Variants in GYPE observed in about 807,000 individuals in gnomAD.
GYPE encodes the protein glycophorin E (MNS blood group), also known as glycophorin-E.
A neutral mutation model predicts 11.6 loss-of-function variants in GYPE; 8 were observed. The ratio of observed to expected loss-of-function variants is 0.69; its 90% confidence interval spans 0.41 to 1.25. GYPE has a LOEUF of 1.25. GYPE is among the 50% of genes most tolerant of loss of function. GYPE has a pLI of 0.01. For missense variants in GYPE, 90 were observed against 92.8 expected (o/e 0.97, Z 0.12); for synonymous variants, 28 against 29.6 (o/e 0.94, Z 0.18).
chr4:143,894,391 T>C (rs1744544346), intron 1 of GYPE, among the ~76,000 whole-genome samples: 1 of 152,000 alleles, frequency 6.6e-6, no homozygotes, highest in Non-Finnish European at 1.5e-5. Flanking sequence ...GTGCTCTGCT[T>C]TTTAGAGTTT....
intron 1 of GYPE, 118 bp downstream of exon 1, chr4:143,905,353 A>G: frequency 6.7e-7 from 1 of 1,500,496 alleles, no homozygotes; most frequent in East Asian, 2.4e-5. Context: ...AGACTGGAAG[A>G]GGAAATACTA....
At chr4:143,893,771 A>G (rs1266642453) in intron 1 of GYPE, among the ~76,000 whole-genome samples, 1 of 152,058 alleles carries the variant, frequency 6.6e-6, no homozygotes, top group Admixed American at 6.5e-5. Context: ...ACTTTGGTGA[A>G]TCTGACAATT....
intron 3 of GYPE, chr4:143,875,394 A>C: frequency 6.8e-7 from 1 of 1,463,812 alleles, no homozygotes; most frequent in Non-Finnish European, 9.3e-7. Flanking sequence ...AGGATAGCCA[A>C]GGGTTGGGGC....
rs1334842427 is a variant in GYPE, at chr4:143,871,125, A to G, written c.*1137T>C. On this transcript the variant is annotated 3_prime_UTR_variant, in exon 4 of 4. Transcript: ENST00000358615. Reference sequence around the variant, plus strand: ...AAGTACCTCCCACTGGGTTCCTCCCATGACATGTGGGGATTATTGGAACTA... The same window carrying G: ...AAGTACCTCCCACTGGGTTCCTCCCGTGACATGTGGGGATTATTGGAACTA... 3.3e-5 allele frequency: 5 copies of G among 150,446 alleles called. No individual in the cohort carries two copies. The highest frequency in any genetic ancestry group is 1.2e-4 in the African/African-American group (5 of 40,042). 9.3% of individuals were successfully genotyped at this position (150,446 alleles called of 1,614,324 possible).
chr4:143,895,693 T>C (rs74633332), intron 1 of GYPE, among the ~76,000 whole-genome samples: 117,726 of 128,362 alleles, frequency 0.92, 54,936 homozygotes, highest in South Asian at 1. Flanking sequence ...GAGCCCGCAT[T>C]GCCAAGTCAA....
intron 1 of GYPE, among the ~76,000 whole-genome samples, chr4:143,890,526 T>A (rs1358556455): frequency 6.6e-6 from 1 of 152,316 alleles, no homozygotes; most frequent in African/African-American, 2.4e-5. Flanking sequence ...ATGAAACTAG[T>A]TTGTTCTCAT....
intron 2 of GYPE, among the ~76,000 whole-genome samples, chr4:143,879,694 T>C (rs1053911174): frequency 6.6e-6 from 1 of 152,234 alleles, no homozygotes; most frequent in African/African-American, 2.4e-5. Flanking sequence ...GTGTCCCGTT[T>C]GTGCTTATCT....
chr4:143,894,472 G>A (rs1334545578), intron 1 of GYPE, among the ~76,000 whole-genome samples: 1 of 151,780 alleles, frequency 6.6e-6, no homozygotes, highest in Non-Finnish European at 1.5e-5. Flanking sequence ...TGATGGTGAT[G>A]TACAGATGGG....
At chr4:143,872,895 G>T (rs1250524393) in intron 3 of GYPE, among the ~76,000 whole-genome samples, 1 of 151,940 alleles carries the variant, frequency 6.6e-6, no homozygotes. Context: ...AAGGGGGCAG[G>T]CCAGGTGAGC....
At chr4:143,879,316 A>G (rs1261446589) in intron 2 of GYPE, among the ~76,000 whole-genome samples, 1 of 152,178 alleles carries the variant, frequency 6.6e-6, no homozygotes, top group Non-Finnish European at 1.5e-5. Flanking sequence ...CCAAAGCCAC[A>G]CAATTTTCTA....
chr4:143,884,125 T>C (rs1165630997), intron 1 of GYPE, among the ~76,000 whole-genome samples: 2 of 150,850 alleles, frequency 1.3e-5, no homozygotes, highest in Non-Finnish European at 2.9e-5. Context: ...CCAGCCATTC[T>C]GCACATCTGT....
chr4:143,873,171 T>A (rs1353404397), intron 3 of GYPE, among the ~76,000 whole-genome samples: 7 of 152,282 alleles, frequency 4.6e-5, no homozygotes, highest in African/African-American at 9.6e-5. Context: ...TTTAGTGATT[T>A]CTTTTTAAAA....
At chr4:143,880,661 T>C (rs957275157) in intron 1 of GYPE, among the ~76,000 whole-genome samples, 152 bp from the exon 2 acceptor site, 18 of 152,234 alleles carry the variant, frequency 1.2e-4, no homozygotes, top group Admixed American at 3.3e-4. Context: ...AGAATTGCTG[T>C]GTGGTAAGTA....
At chr4:143,879,824 C>A (rs1378882596) in intron 2 of GYPE, among the ~76,000 whole-genome samples, 3 of 152,148 alleles carry the variant, frequency 2.0e-5, no homozygotes, top group Admixed American at 2.0e-4. Flanking sequence ...TTCTTCTTCT[C>A]CCCTGAAAAC....
chr4:143,901,069 T>C lies in GYPE; in HGVS notation c.37+4402A>G, dbSNP rs558675149. Among the ~76,000 whole-genome samples, 6 of 152,306 alleles carry C rather than the reference T, an allele frequency of 3.9e-5. No individual in the cohort carries two copies. The East Asian group carries it at 1.2e-3, about 29-fold the overall frequency. ...AAAGTGAGTGCTATATCACTGTTGG[T>C]TTTTATTATTCAGAACCTGCCTATG... On this transcript the variant is annotated intron_variant, in intron 1 of 3. Transcript: ENST00000358615.
chr4:143,898,029 T>G (rs1262957700), intron 1 of GYPE, among the ~76,000 whole-genome samples: 4 of 148,708 alleles, frequency 2.7e-5, no homozygotes, highest in African/African-American at 7.4e-5. Flanking sequence ...ATTAATGAAT[T>G]CATATGGATT....
At chr4:143,881,794 T>G (rs1420017829) in intron 1 of GYPE, among the ~76,000 whole-genome samples, 2 of 152,224 alleles carry the variant, frequency 1.3e-5, no homozygotes, top group Non-Finnish European at 2.9e-5. Context: ...GATGTACCTT[T>G]GCTCATCTCT....
rs1322310026 is a variant in GYPE at position 143,896,550 on chromosome 4, T to C, written c.37+8921A>G. On this transcript the variant is annotated intron_variant, in intron 1 of 3. Coordinates refer to ENST00000358615, the MANE Select transcript of GYPE (RefSeq NM_198682.3). ...GTGGAGAAATAGGAACACTTTTACA[T>C]TGTTGGTGGGACTGTAAACTAGTTC... Among the ~76,000 whole-genome samples, 921 of 150,514 alleles carry C rather than the reference T, an allele frequency of 6.1e-3. 13 individuals carry two copies. The highest frequency in any genetic ancestry group is 0.021 in the African/African-American group (860 of 40,786).
At chr4:143,893,676 A>T (rs1744501977) in intron 1 of GYPE, among the ~76,000 whole-genome samples, 2 of 152,088 alleles carry the variant, frequency 1.3e-5, no homozygotes, top group African/African-American at 4.8e-5. Context: ...CTGCCGAGAG[A>T]TCTGCTCTTA....
Sources: allele counts gnomAD v4.1 joint callset (sites outside exome capture counted in the v4.1 genomes callset), GRCh38; gene constraint gnomAD v4.1.1; transcripts MANE v1.5; gene names NCBI Gene and HGNC (gene_info 2026-07-23, HGNC 2026-07-21).